The following PRDM5 variants were observed in gnomAD, a reference collection of about 807,000 sequenced individuals.
PRDM5 encodes the protein PR domain zinc finger protein 5.
Under a neutral mutation model 81.2 loss-of-function variants are expected in PRDM5, and 56 were observed. That is an observed-to-expected ratio of 0.69 (90% confidence interval 0.56 to 0.86). The LOEUF is 0.86. Ranked by LOEUF, PRDM5 falls within the 40% of genes least tolerant of loss-of-function variation. PRDM5 has a pLI of 0.00. For missense variants in PRDM5, 697 were observed against 770.1 expected (o/e 0.91, Z 1.12); for synonymous variants, 267 against 256.4 (o/e 1.04, Z -0.39).
intron 14 of PRDM5, among the ~76,000 whole-genome samples, chr4:120,735,764 C>T (rs1410241528): frequency 6.6e-6 from 1 of 151,976 alleles, no homozygotes; most frequent in African/African-American, 2.4e-5. Context: ...TTATCTCTGC[C>T]CAAAATCACC....
At chr4:120,715,431 G>A (rs976411726) in intron 14 of PRDM5, among the ~76,000 whole-genome samples, 2 of 152,202 alleles carry the variant, frequency 1.3e-5, no homozygotes, top group South Asian at 4.1e-4. Context: ...CAGGAAAAAT[G>A]TTCAATTTTC....
At chr4:120,900,501 G>A (rs1013414623) in intron 2 of PRDM5, among the ~76,000 whole-genome samples, 1 of 152,102 alleles carries the variant, frequency 6.6e-6, no homozygotes, top group African/African-American at 2.4e-5. Context: ...GTTCCTATCT[G>A]TTCTTCATTG....
At position 120,781,248 on chromosome 4, in the gene PRDM5, T is replaced by C. The variant is rs562292201; in HGVS notation, c.1338A>G (p.Thr446=). Residue 446 remains threonine, a synonymous_variant, in exon 12 of 16, where the codon ACA becomes ACG. Coordinates refer to ENST00000264808, the MANE Select transcript of PRDM5 (RefSeq NM_018699.4). ...GAACCACCTGGACATGAACATTTAATGTATCCTTCCTCTTAAAGGTAGCAT... is the reference window on the plus strand; with the variant it reads ...GAACCACCTGGACATGAACATTTAACGTATCCTTCCTCTTAAAGGTAGCAT... ...HCDATFKRKD[T]LNVHVQVVHE... 8 of 1,613,180 alleles carry C rather than the reference T, an allele frequency of 5.0e-6. 1 individual carries two copies. In the South Asian group the frequency reaches 8.8e-5, roughly 18 times the overall value.
chr4:120,881,531 C>T (rs1561589007), intron 2 of PRDM5, among the ~76,000 whole-genome samples: 1 of 152,186 alleles, frequency 6.6e-6, no homozygotes, highest in African/African-American at 2.4e-5. Context: ...ATTAGTCTCA[C>T]ACTTTAAAAA....
At chr4:120,921,953 G>T (rs1308741818) in intron 1 of PRDM5, among the ~76,000 whole-genome samples, 1 of 152,236 alleles carries the variant, frequency 6.6e-6, no homozygotes. Flanking sequence ...ATACATTCCA[G>T]AAGGAGGGAA....
Position 120,803,823 on chromosome 4 carries a change from A to T in PRDM5, c.946-4078T>A, listed in dbSNP as rs185456721. The stretch of plus-strand genomic sequence containing the variant: ...ACGAGCAAAATAGCAAGCTAACATC[A>T]TAATGATAGGATCAAATTCACACAT... On this transcript the variant is annotated intron_variant, in intron 8 of 15. Coordinates refer to ENST00000264808, the MANE Select transcript of PRDM5 (RefSeq NM_018699.4). 9.2e-5 allele frequency among the ~76,000 whole-genome samples: 14 copies of T among 152,332 alleles called. No homozygotes were observed. The East Asian group carries it at 2.5e-3, about 27-fold the overall frequency.
intron 13 of PRDM5, among the ~76,000 whole-genome samples, chr4:120,773,198 T>C (rs1338025510): frequency 6.6e-6 from 1 of 152,128 alleles, no homozygotes; most frequent in Non-Finnish European, 1.5e-5. Context: ...TGAAACAAAA[T>C]GACTGACAGA....
At chr4:120,871,766 CAA>C (rs139374666) in intron 2 of PRDM5, among the ~76,000 whole-genome samples, 61,809 of 137,508 alleles carry the variant, frequency 0.45, 12,935 homozygotes, top group Non-Finnish European at 0.49. Flanking sequence ...GCTACTGTTT[CAA>C]AAAAAAAAAA....
intron 5 of PRDM5, among the ~76,000 whole-genome samples, chr4:120,817,673 T>G (rs972746573): frequency 1.3e-4 from 20 of 152,194 alleles, no homozygotes; most frequent in Admixed American, 2.0e-4. Context: ...CAAACTTTAA[T>G]GAGTAAAAAA....
intron 15 of PRDM5, among the ~76,000 whole-genome samples, chr4:120,696,150 T>C (rs1164475229): frequency 2.6e-5 from 4 of 152,040 alleles, no homozygotes; most frequent in Admixed American, 6.6e-5. Context: ...AGGGCCCTAA[T>C]TGGGTAAGAA....
intron 2 of PRDM5, among the ~76,000 whole-genome samples, chr4:120,866,955 T>C (rs1761251251): frequency 6.6e-6 from 1 of 152,144 alleles, no homozygotes; most frequent in South Asian, 2.1e-4. Flanking sequence ...AAGTTAAAGA[T>C]ATTAAAATGT....
chr4:120,734,521 G>C (rs1740815151), intron 14 of PRDM5, among the ~76,000 whole-genome samples: 1 of 151,886 alleles, frequency 6.6e-6, no homozygotes, highest in South Asian at 2.1e-4. Flanking sequence ...TTTATTGCTG[G>C]ATTTCTCAGA....
Position 120,818,337 on chromosome 4 carries a change from T to C in PRDM5, c.650+16A>G. On this transcript the variant is annotated intron_variant, in intron 5 of 15. Coordinates refer to ENST00000264808, the MANE Select transcript of PRDM5 (RefSeq NM_018699.4). ...GTTAGCTTATAATTTTAAAGATATT[T>C]CTTTAATATACGCACTGTCTTTGCA... 1.9e-6 allele frequency: 3 copies of C among 1,609,032 alleles called. No homozygotes were observed. Among genetic ancestry groups the C allele is most frequent in the Non-Finnish European group, 2.6e-6 (3 of 1,175,694 alleles).
At chr4:120,716,034 GAGGC>G (rs1176889520) in intron 14 of PRDM5, among the ~76,000 whole-genome samples, 26 of 152,270 alleles carry the variant, frequency 1.7e-4, no homozygotes, top group Admixed American at 7.2e-4. Flanking sequence ...AGATTCTGGT[GAGGC>G]ATGAGGGCTT....
chr4:120,820,353 T>C (rs1000037484), intron 4 of PRDM5, among the ~76,000 whole-genome samples: 13 of 152,188 alleles, frequency 8.5e-5, no homozygotes, highest in Non-Finnish European at 1.6e-4. Context: ...ACGTAAGCAA[T>C]AAATTTCTGC....
At chr4:120,887,304 C>A (rs1379871680) in intron 2 of PRDM5, among the ~76,000 whole-genome samples, 1 of 152,110 alleles carries the variant, frequency 6.6e-6, no homozygotes, top group Non-Finnish European at 1.5e-5. Flanking sequence ...TTACCTTCAA[C>A]ACACAACTGG....
At chr4:120,876,222 C>T (rs1762320071) in intron 2 of PRDM5, among the ~76,000 whole-genome samples, 1 of 152,154 alleles carries the variant, frequency 6.6e-6, no homozygotes, top group African/African-American at 2.4e-5. Context: ...GAGTTATGAC[C>T]TTCCATCTGT....
At chr4:120,777,414 G>A in intron 12 of PRDM5, 133 bp from the exon 13 acceptor site, 1 of 1,474,570 alleles carries the variant, frequency 6.8e-7, no homozygotes, top group Non-Finnish European at 9.1e-7. Context: ...TTCACAATGA[G>A]ATTTTAAACA....
At chr4:120,719,969 A>G (rs1036949307) in intron 14 of PRDM5, among the ~76,000 whole-genome samples, 13 of 61,854 alleles carry the variant, frequency 2.1e-4, no homozygotes, top group Non-Finnish European at 4.5e-4. Flanking sequence ...CTCAGAAGTC[A>G]GAAACTGTCT....
Sources: gnomAD v4.1 joint callset for allele counts (sites outside exome capture counted in the v4.1 genomes callset) on GRCh38, gnomAD v4.1.1 for gene constraint, MANE v1.5 for transcripts, NCBI Gene and HGNC (gene_info 2026-07-23, HGNC 2026-07-21) for gene names.